Variants in PAK3 observed in about 807,000 individuals in gnomAD.
The protein encoded by PAK3 is serine/threonine-protein kinase PAK 3.
In PAK3, 4 loss-of-function variants were observed where a neutral mutation model predicts 41.0. The observed-to-expected ratio is 0.10, with a 90% CI of 0.05 to 0.22. The LOEUF (loss-of-function observed/expected upper bound fraction) is 0.22. Ranked by LOEUF, PAK3 falls within the 10% of genes least tolerant of loss-of-function variation. PAK3 has a pLI of 1.00. For synonymous variants in PAK3, 146 were observed against 139.6 expected (o/e 1.05, Z -0.32); for missense variants, 205 against 409.9 (o/e 0.50, Z 4.32).
intron 1 of PAK3, among the ~76,000 whole-genome samples, chrX:111,065,450 G>A (rs1306917156): frequency 9.0e-6 from 1 of 110,922 alleles, no homozygotes; most frequent in Non-Finnish European, 1.9e-5. Flanking sequence ...TGCTGGATTC[G>A]GTTTGCTAGT....
At chrX:111,198,933 A>G (rs968016140) in intron 16 of PAK3, among the ~76,000 whole-genome samples, 16 of 111,647 alleles carry the variant, frequency 1.4e-4, no homozygotes, top group Non-Finnish European at 2.8e-4. Context: ...GGCCATGTTA[A>G]AAATATTGAT....
chrX:111,011,222 G>A (rs1442405431), intron 1 of PAK3, among the ~76,000 whole-genome samples: 6 of 111,154 alleles, frequency 5.4e-5, no homozygotes, highest in Non-Finnish European at 1.1e-4. Context: ...TAGACCACAC[G>A]GCTTGCCAAT....
chrX:111,016,996 A>C (rs758908367), intron 1 of PAK3, among the ~76,000 whole-genome samples: 1 of 111,691 alleles, frequency 9.0e-6, no homozygotes, highest in East Asian at 2.8e-4. Context: ...GCTGGAAAAC[A>C]TCACAAGGGA....
chrX:111,217,137 A>T, intron 17 of PAK3: 1 of 499,133 alleles, frequency 2.0e-6, no homozygotes. Flanking sequence ...AAATTATTTC[A>T]TTTTTATAAC....
chrX:111,146,632 G>T (rs2093947545), intron 6 of PAK3: 5 of 627,401 alleles, frequency 8.0e-6, no homozygotes, highest in Non-Finnish European at 7.5e-6. Flanking sequence ...CACTGCAGCA[G>T]CAGGTTCATG....
chrX:110,945,344 C>G (rs1057081856), intron 1 of PAK3, among the ~76,000 whole-genome samples: 1 of 111,665 alleles, frequency 9.0e-6, no homozygotes, highest in African/African-American at 3.3e-5. Flanking sequence ...GCAGGTGGAT[C>G]AGGTCCAACC....
At chrX:111,071,630 C>T (rs1322494697) in intron 1 of PAK3, among the ~76,000 whole-genome samples, 8 of 111,875 alleles carry the variant, frequency 7.2e-5, no homozygotes, top group African/African-American at 1.9e-4. Context: ...TCAAAAATAG[C>T]AACTCTTATG....
rs779740979 is a variant in PAK3 at position 111,194,411 on chromosome X, G to C, written c.1103G>C (p.Cys368Ser). ...GATGAAGGACAGATAGCAGCTGTCT[G>C]CAGAGAGGTAAGCAAATAGAGCATT... is the stretch of plus-strand genomic sequence containing the variant. ...CMDEGQIAAV[C>S]RECLQALDFL... Residue 368 changes from cysteine to serine, a missense_variant, in exon 14 of 18, where the codon TGC (cysteine) becomes TCC (serine). By Grantham distance (112) the Cys-to-Ser change is moderately radical. This residue lies in a region of PAK3 where 42 missense variants were observed against 152.7 expected (regional missense o/e 0.28). Coordinates refer to ENST00000372007, the MANE Select transcript of PAK3 (RefSeq NM_002578.5). 1.9e-6 allele frequency: 2 copies of C among 1,051,373 alleles called. No individual in the cohort carries two copies. The highest frequency in any genetic ancestry group is 2.7e-6 in the Non-Finnish European group (2 of 749,078). 86.6% of individuals were successfully genotyped at this position (1,051,373 alleles called of 1,213,427 possible). A position where few individuals can be genotyped will look rare whatever the true frequency, so the allele number is the denominator to read the frequency against.
chrX:111,210,790 T>C (rs1486354182), intron 16 of PAK3, among the ~76,000 whole-genome samples: 1 of 111,591 alleles, frequency 9.0e-6, no homozygotes, highest in Non-Finnish European at 1.9e-5. Context: ...TATAATACAA[T>C]GTAAAAATAG....
chrX:111,022,522 A>G lies in PAK3; in HGVS notation c.-28+77894A>G, dbSNP rs765684133. 5.4e-4 allele frequency among the ~76,000 whole-genome samples: 60 copies of G among 111,917 alleles called. 2 individuals are homozygous for G. Among genetic ancestry groups the G allele is most frequent in the Non-Finnish European group, 2.3e-4 (12 of 53,204 alleles). On this transcript the variant is annotated intron_variant, in intron 1 of 14. Transcript: ENST00000425146. ...TAAGCCAGCACTAAAAGAAATGCTGAAACGATCTCTAAATCTTTAAACAAA... is the reference window on the plus strand; with the variant it reads ...TAAGCCAGCACTAAAAGAAATGCTGGAACGATCTCTAAATCTTTAAACAAA...
In PAK3 at chrX:111,220,945, C is replaced by CAAAAAAAAAAAAAAAAAAAAAAA; in HGVS notation, c.*515_*516insAAAAAAAAAAAAAAAAAAAAAAA. 3 of 49,447 alleles carry CAAAAAAAAAAAAAAAAAAAAAAA rather than the reference C, an allele frequency of 6.1e-5. No homozygotes were observed. The highest frequency in any genetic ancestry group is 8.5e-5 in the African/African-American group (1 of 11,723). 4.1% of individuals were successfully genotyped at this position (49,447 alleles called of 1,213,427 possible). A position where few individuals can be genotyped will look rare whatever the true frequency, so the allele number is the denominator to read the frequency against. On this transcript the variant is annotated 3_prime_UTR_variant, in exon 18 of 18. Coordinates refer to ENST00000372007, the MANE Select transcript of PAK3 (RefSeq NM_002578.5). The stretch of plus-strand genomic sequence containing the variant: ...AAAAAAGAAAGCAAAAAAAGCAAGG[C>CAAAAAAAAAAAAAAAAAAAAAAA]AAAAAAAAAAAAAAAAACAAACAAA...
chrX:111,162,568 G>C (rs369159993), intron 8 of PAK3, among the ~76,000 whole-genome samples: 1 of 111,838 alleles, frequency 8.9e-6, no homozygotes, highest in Non-Finnish European at 1.9e-5. Context: ...TAGATTCAAG[G>C]CTCTAAGAGC....
chrX:111,105,469 A>G (rs1332335471), intron 4 of PAK3, among the ~76,000 whole-genome samples: 1 of 111,971 alleles, frequency 8.9e-6, no homozygotes, highest in Non-Finnish European at 1.9e-5. Flanking sequence ...ACTCCAGTGT[A>G]CTTGCATTGA....
intron 1 of PAK3, among the ~76,000 whole-genome samples, chrX:111,067,309 C>T (rs180993873): frequency 9.3e-4 from 104 of 111,311 alleles, no homozygotes; most frequent in Admixed American, 2.8e-3. Context: ...TTATATTGCC[C>T]GAGTAAGTGC....
intron 1 of PAK3, among the ~76,000 whole-genome samples, chrX:110,962,851 A>G (rs776108500): frequency 8.9e-6 from 1 of 112,683 alleles, no homozygotes; most frequent in African/African-American, 3.2e-5. Context: ...ACAGAAGGGT[A>G]TCTCTGACAT....
chrX:111,077,233 C>T (rs1233488559), intron 1 of PAK3, among the ~76,000 whole-genome samples: 3 of 111,359 alleles, frequency 2.7e-5, no homozygotes, highest in African/African-American at 9.8e-5. Flanking sequence ...TCCATACTAC[C>T]CAAAGCAATC....
At chrX:110,955,512 T>C (rs1048907356) in intron 1 of PAK3, among the ~76,000 whole-genome samples, 2 of 111,060 alleles carry the variant, frequency 1.8e-5, no homozygotes, top group Non-Finnish European at 3.8e-5. Context: ...TGTGCACCTG[T>C]AGTGCACCTC....
At chrX:111,056,036 AT>A (rs1332939952) in intron 1 of PAK3, among the ~76,000 whole-genome samples, 1 of 110,434 alleles carries the variant, frequency 9.1e-6, no homozygotes, top group Non-Finnish European at 1.9e-5. Context: ...CTGCCATATT[AT>A]TTAGTTGTTA....
intron 1 of PAK3, among the ~76,000 whole-genome samples, chrX:110,974,313 A>G (rs970706720): frequency 9.8e-5 from 11 of 111,894 alleles, no homozygotes; most frequent in African/African-American, 3.6e-4. Flanking sequence ...TACAAACTAC[A>G]AGAGAATACT....
Sources: gnomAD v4.1 joint callset for allele counts (sites outside exome capture counted in the v4.1 genomes callset) on GRCh38, gnomAD v4.1.1 for gene constraint, gnomAD v4.1.1 regional missense constraint, MANE v1.5 for transcripts, NCBI Gene and HGNC (gene_info 2026-07-23, HGNC 2026-07-21) for gene names.